The following CYB561A3 variants were observed in gnomAD, a reference collection of about 807,000 sequenced individuals.
CYB561A3 encodes the protein lysosomal membrane ascorbate-dependent ferrireductase CYB561A3.
In CYB561A3, 16 loss-of-function variants were observed where a neutral mutation model predicts 25.3. The ratio of observed to expected loss-of-function variants is 0.63; its 90% CI spans 0.43 to 0.96. The LOEUF (loss-of-function observed/expected upper bound fraction) is 0.96. Ranked by LOEUF, CYB561A3 falls within the 40% of genes least tolerant of loss-of-function variation. CYB561A3 has a pLI of 0.00. For missense variants in CYB561A3, 219 were observed against 307.5 expected (o/e 0.71, Z 2.15); for synonymous variants, 131 against 129.9 (o/e 1.01, Z -0.06).
At chr11:61,353,626 C>T (rs1202302768) in intron 4 of CYB561A3, 158 bp downstream of exon 4, 30 of 870,382 alleles carry the variant, frequency 3.4e-5, no homozygotes, top group Non-Finnish European at 2.1e-5. Flanking sequence ...CCACTGACCT[C>T]CCACAGCCCT....
Position 61,350,030 on chromosome 11 carries a change from C to T in CYB561A3, c.*369G>A. ...GCAAGAGCGGCCAGAGCGAGGAGGA[C>T]CTCGTGTGAATGGAGGACCTGAGAG... is the stretch of plus-strand genomic sequence containing the variant. On this transcript the variant is annotated 3_prime_UTR_variant, in exon 7 of 7. Coordinates refer to ENST00000294072, the MANE Select transcript of CYB561A3 (RefSeq NM_153611.6). 4.1e-6 allele frequency: 2 copies of T among 490,474 alleles called. No individual in the cohort carries two copies. The highest frequency in any genetic ancestry group is 4.6e-5 in the South Asian group (2 of 43,768). The allele number at this position is 490,474 out of a possible 1,614,324, so 30.4% of individuals were successfully genotyped here.
chr11:61,353,181 G>T, intron 4 of CYB561A3, 42 bp from the exon 5 acceptor site: 1 of 1,547,878 alleles, frequency 6.5e-7, no homozygotes, highest in South Asian at 1.3e-5. Context: ...TGCTATGTGT[G>T]ACCAAAGCAC....
chr11:61,360,397 G>A (rs1267287765), intron 1 of CYB561A3: 1 of 152,120 alleles, frequency 6.6e-6, no homozygotes, highest in Non-Finnish European at 1.5e-5. Context: ...TTCTGTAAAG[G>A]TCCAGGTAGT....
At chr11:61,361,543 G>C (rs924693376) in intron 1 of CYB561A3, among the ~76,000 whole-genome samples, 190 bp downstream of exon 1, 3 of 152,188 alleles carry the variant, frequency 2.0e-5, no homozygotes, top group Non-Finnish European at 4.4e-5. Flanking sequence ...GGTGCTTTCT[G>C]CGTCCTCTGA....
chr11:61,355,855 T>C (rs1020136616), intron 3 of CYB561A3, among the ~76,000 whole-genome samples: 2 of 151,932 alleles, frequency 1.3e-5, no homozygotes, highest in African/African-American at 4.8e-5. Flanking sequence ...TTCAGGAGGC[T>C]GAGGTGGGCA....
chr11:61,353,125 A>G lies in CYB561A3; in HGVS notation c.408T>C (p.Phe136=). 1.9e-6 allele frequency: 3 copies of G among 1,608,742 alleles called. No individual in the cohort carries two copies. Among genetic ancestry groups the G allele is most frequent in the Non-Finnish European group, 2.5e-6 (3 of 1,177,732 alleles). ...ACGCCCAGGGCAGGAGGAAGACAGC[A>G]AAGCCCAGGAACCACTGTGGACAAA... The part of the protein sequence containing the change: ...FLFACQWFLG[F]AVFLLPWASM... Residue 136 remains phenylalanine (F), a synonymous_variant, in exon 5 of 7, where the codon TTT becomes TTC. Coordinates refer to ENST00000294072, the MANE Select transcript of CYB561A3 (RefSeq NM_153611.6).
intron 4 of CYB561A3, chr11:61,353,389 T>C: frequency 1.7e-6 from 1 of 601,894 alleles, no homozygotes; most frequent in Non-Finnish European, 2.9e-6. Flanking sequence ...TTGTCTCTGG[T>C]TCCTTCCAGT....
In CYB561A3 at chr11:61,361,863, T is replaced by C. The variant is rs1857903855; in HGVS notation, c.-242A>G. On this transcript the variant is annotated 5_prime_UTR_variant, in exon 1 of 7. Transcript: ENST00000294072. ...ACTGCCCTGAATGCCTACAGCCGGC[T>C]GGCAATGCCGCCCCAGAGCAGAGCG... 1.3e-5 allele frequency: 2 copies of C among 152,400 alleles called. No homozygotes were observed. Among genetic ancestry groups the C allele is most frequent in the Admixed American group, 1.3e-4 (2 of 15,306 alleles). 9.4% of individuals were successfully genotyped at this position (152,400 alleles called of 1,614,324 possible). A position where few individuals can be genotyped will look rare whatever the true frequency, so the allele number is the denominator to read the frequency against.
rs1590594343 is a variant in CYB561A3 at position 61,350,124 on chromosome 11, G to A, written c.*275C>T. On this transcript the variant is annotated 3_prime_UTR_variant, in exon 7 of 7. Transcript: ENST00000294072. The stretch of plus-strand genomic sequence containing the variant: ...AGACAGGCAGCAAGCAGCCAGAGAA[G>A]GCAGGCCCAGCACCCAGGCAAAGCC... The A allele has an allele frequency of 5.2e-6, 3 of 578,016 alleles. No individual in the cohort carries two copies. The highest frequency in any genetic ancestry group is 2.9e-5 in the East Asian group (1 of 34,658). The allele number at this position is 578,016 out of a possible 1,614,324, so 35.8% of individuals were successfully genotyped here. A position where few individuals can be genotyped will look rare whatever the true frequency, so the allele number is the denominator to read the frequency against.
rs1175620631 is a variant in CYB561A3 at position 61,350,416 on chromosome 11, G to A, written c.712C>T (p.Leu238=). Residue 238 remains leucine, a synonymous_variant, in exon 7 of 7, where the codon CTG becomes TTG. Transcript: ENST00000294072. ...PGILTDRQPL[L]HDGE is the part of the protein sequence containing the mutation. Reference sequence around the variant, plus strand: ...CTGCTGCTTCACTCCCCATCATGCAGCAGGGGCTGGAAAGAGAGGCAGATG... The same window carrying A: ...CTGCTGCTTCACTCCCCATCATGCAACAGGGGCTGGAAAGAGAGGCAGATG... 6.2e-7 allele frequency: 1 copy of A among 1,611,482 alleles called. No individual in the cohort carries two copies. Among genetic ancestry groups the A allele is most frequent in the Admixed American group, 1.7e-5 (1 of 59,636 alleles).
chr11:61,357,252 T>C (rs1857684079), intron 2 of CYB561A3: 1 of 1,550,790 alleles, frequency 6.4e-7, no homozygotes, highest in Non-Finnish European at 8.7e-7. Flanking sequence ...GTAAGCTCTA[T>C]GGGGCTAATC....
intron 3 of CYB561A3, 106 bp downstream of exon 3, chr11:61,356,424 C>G: frequency 1.2e-6 from 1 of 843,614 alleles, no homozygotes. Flanking sequence ...CACCCTACCC[C>G]CATAGCCCCA....
chr11:61,353,065 G>A lies in CYB561A3; in HGVS notation c.468C>T (p.His156=), dbSNP rs377472853. ...AGAGGATGGCGGCTCCAAAAAAGACGTGGATAGGTTTTAGGAGGCTGCGCA... is the reference window on the plus strand; with the variant it reads ...AGAGGATGGCGGCTCCAAAAAAGACATGGATAGGTTTTAGGAGGCTGCGCA... ...MWLRSLLKPI[H]VFFGAAILSL... Residue 156 remains histidine, a synonymous_variant, in exon 5 of 7, where the codon CAC becomes CAT. Coordinates refer to ENST00000294072, the MANE Select transcript of CYB561A3 (RefSeq NM_153611.6). 35 of 1,614,066 alleles carry A rather than the reference G, an allele frequency of 2.2e-5. No individual in the cohort carries two copies. Among genetic ancestry groups the A allele is most frequent in the South Asian group, 2.2e-5 (2 of 91,086 alleles).
chr11:61,361,550 C>T (rs1841291442), intron 1 of CYB561A3, among the ~76,000 whole-genome samples, 183 bp downstream of exon 1: 1 of 152,180 alleles, frequency 6.6e-6, no homozygotes, highest in Non-Finnish European at 1.5e-5. Context: ...TCTGCGTCCT[C>T]TGAAGAGCTT....
rs1455451885 is a variant in CYB561A3 at position 61,349,897 on chromosome 11, C to T, written c.*502G>A. The T allele has an allele frequency of 1.9e-6, 1 of 523,902 alleles. No homozygotes were observed. The highest frequency in any genetic ancestry group is 3.4e-5 in the East Asian group (1 of 29,762). 32.5% of individuals were successfully genotyped at this position (523,902 alleles called of 1,614,324 possible). On this transcript the variant is annotated 3_prime_UTR_variant, in exon 7 of 7. Transcript: ENST00000294072. ...CTTTATGGGGGAAGTGGACGGACAC[C>T]TCACCTCCCTCATGTTTCACACCGT...
rs1857275354 is a variant in CYB561A3 at position 61,349,083 on chromosome 11, A to G, written c.*1316T>C. ...ACCCCAGGCTTCTCACTTGCTTACTAAGCACAGCAGTCTGAAGCTTGGGAC... is the reference window on the plus strand; with the variant it reads ...ACCCCAGGCTTCTCACTTGCTTACTGAGCACAGCAGTCTGAAGCTTGGGAC... On this transcript the variant is annotated 3_prime_UTR_variant, in exon 7 of 7. Coordinates refer to ENST00000294072, the MANE Select transcript of CYB561A3 (RefSeq NM_153611.6). The G allele has an allele frequency of 5.9e-6, 1 of 170,408 alleles. No homozygotes were observed. Among genetic ancestry groups the G allele is most frequent in the South Asian group, 1.5e-4 (1 of 6,776 alleles). The allele number at this position is 170,408 out of a possible 1,614,324, so 10.6% of individuals were successfully genotyped here.
At position 61,353,570 on chromosome 11, in the gene CYB561A3, G is replaced by A. The variant is rs550014249; in HGVS notation, c.393+214C>T. The A allele has an allele frequency of 3.7e-4, 267 of 714,168 alleles. 3 individuals carry two copies. In the South Asian group the frequency reaches 3.9e-3, roughly 10 times the overall value. 44.2% of individuals were successfully genotyped at this position (714,168 alleles called of 1,614,324 possible). On this transcript the variant is annotated intron_variant, in intron 4 of 6. Transcript: ENST00000294072. ...AAGTTAGCAGAGAGGGCTCTGGGAC[G>A]AGAGACGGGCAATGGGAGGGATAAA...
intron 2 of CYB561A3, chr11:61,357,488 G>A (rs1857691687): frequency 2.2e-6 from 1 of 448,870 alleles, no homozygotes; most frequent in Non-Finnish European, 4.0e-6. Context: ...TCTGGTTTCA[G>A]GCATGGCAAA....
intron 2 of CYB561A3, 177 bp from the exon 3 acceptor site, chr11:61,356,905 A>T (rs1857673993): frequency 6.9e-7 from 1 of 1,443,816 alleles, no homozygotes; most frequent in Non-Finnish European, 9.0e-7. Context: ...GGTGGGCCTG[A>T]TCTTCAGTCA....
Sources: gnomAD v4.1 joint callset for allele counts (sites outside exome capture counted in the v4.1 genomes callset) on GRCh38, gnomAD v4.1.1 for gene constraint, MANE v1.5 for transcripts, NCBI Gene and HGNC (gene_info 2026-07-23, HGNC 2026-07-21) for gene names.